CACNA2D1: variants seen among roughly 807,000 people sequenced by gnomAD.
The protein encoded by CACNA2D1 is calcium voltage-gated channel auxiliary subunit alpha2delta 1, also known as voltage-dependent calcium channel subunit alpha-2/delta-1.
A neutral mutation model predicts 171.5 loss-of-function variants in CACNA2D1; 53 were observed. The ratio of observed to expected loss-of-function variants is 0.31; its 90% CI spans 0.25 to 0.39. The LOEUF (loss-of-function observed/expected upper bound fraction) is 0.39, where lower values mean the gene tolerates loss of function less well. Among genes scored for constraint, CACNA2D1 ranks in the 10% least tolerant of loss-of-function variants. The pLI, the probability that CACNA2D1 is intolerant of heterozygous loss-of-function variation, is 1.00. For synonymous variants in CACNA2D1, 442 were observed against 443.1 expected (o/e 1.00, Z 0.03); for missense variants, 903 against 1,299.8 (o/e 0.69, Z 4.69).
At chr7:82,295,048 A>G (rs1000972443) in intron 3 of CACNA2D1, among the ~76,000 whole-genome samples, 1 of 152,196 alleles carries the variant, frequency 6.6e-6, no homozygotes. Context: ...TTAATTACAC[A>G]AAAATCTTTC....
chr7:82,314,154 G>A (rs1213241333), intron 3 of CACNA2D1, among the ~76,000 whole-genome samples: 4 of 152,080 alleles, frequency 2.6e-5, no homozygotes, highest in Non-Finnish European at 5.9e-5. Flanking sequence ...AAGGATCAAA[G>A]GTTGCTAGGG....
At chr7:82,374,964 T>C (rs11768220) in intron 1 of CACNA2D1, among the ~76,000 whole-genome samples, 7,122 of 152,244 alleles carry the variant, frequency 0.047, 206 homozygotes, top group Middle Eastern at 0.082. Flanking sequence ...AGTACGTAGC[T>C]GGATTTAGAA....
intron 4 of CACNA2D1, among the ~76,000 whole-genome samples, chr7:82,149,499 G>A (rs1333475237): frequency 1.3e-5 from 2 of 151,876 alleles, no homozygotes; most frequent in African/African-American, 2.4e-5. Flanking sequence ...CACTCAAAAC[G>A]GTCACATCCA....
At chr7:82,150,439 AT>A (rs1257112541) in intron 4 of CACNA2D1, among the ~76,000 whole-genome samples, 33 of 131,316 alleles carry the variant, frequency 2.5e-4, no homozygotes, top group Non-Finnish European at 4.8e-4. Flanking sequence ...AAAAAAAAAA[AT>A]TGAAATCTCT....
At chr7:82,060,322 C>A in intron 10 of CACNA2D1, 106 bp downstream of exon 10, 1 of 715,536 alleles carries the variant, frequency 1.4e-6, no homozygotes, top group Non-Finnish European at 2.4e-6. Flanking sequence ...TGCAATATAT[C>A]AAAAATGTCT....
At chr7:82,052,965 G>A (rs1052050488) in intron 10 of CACNA2D1, among the ~76,000 whole-genome samples, 5 of 152,120 alleles carry the variant, frequency 3.3e-5, no homozygotes, top group African/African-American at 1.2e-4. Flanking sequence ...TCTGCCACTT[G>A]AACATTGCTT....
intron 3 of CACNA2D1, among the ~76,000 whole-genome samples, chr7:82,238,273 T>G (rs916821601): frequency 1.3e-5 from 2 of 152,030 alleles, no homozygotes; most frequent in Non-Finnish European, 2.9e-5. Context: ...TTGAATGTGT[T>G]CTTATTTTTG....
At chr7:82,311,049 A>G (rs1004236855) in intron 3 of CACNA2D1, among the ~76,000 whole-genome samples, 3 of 152,110 alleles carry the variant, frequency 2.0e-5, no homozygotes, top group Non-Finnish European at 2.9e-5. Context: ...TCTTTGAGTT[A>G]TATGTGTATA....
chr7:81,955,463 A>T (rs1793124463), intron 38 of CACNA2D1, among the ~76,000 whole-genome samples: 1 of 152,204 alleles, frequency 6.6e-6, no homozygotes. Context: ...TTATATCAAC[A>T]TTCAAATAGC....
chr7:82,136,815 T>C, intron 4 of CACNA2D1, 139 bp from the exon 5 acceptor site: 2 of 638,400 alleles, frequency 3.1e-6, no homozygotes, highest in Non-Finnish European at 5.3e-6. Context: ...TCCATAAGGA[T>C]TAGCCACTAT....
chr7:82,301,338 C>T lies in CACNA2D1; in HGVS notation c.294+33797G>A, dbSNP rs1476555212. Reference sequence around the variant, plus strand: ...ACGGGGTTTCTCCATGTTGGTCAGGCTGGTCTTGAACTCCAACCTCAGGTG... The same window carrying T: ...ACGGGGTTTCTCCATGTTGGTCAGGTTGGTCTTGAACTCCAACCTCAGGTG... On this transcript the variant is annotated intron_variant, in intron 3 of 38. Transcript: ENST00000356860. 2.0e-5 allele frequency among the ~76,000 whole-genome samples: 3 copies of T among 152,204 alleles called. No homozygotes were observed. In the East Asian group the frequency reaches 5.8e-4, roughly 30 times the overall value.
chr7:82,149,404 C>T (rs967232275), intron 4 of CACNA2D1, among the ~76,000 whole-genome samples: 2 of 152,062 alleles, frequency 1.3e-5, no homozygotes, highest in Admixed American at 6.6e-5. Flanking sequence ...AGAAGTGAGA[C>T]ACCAAGGCAC....
chr7:82,050,419 A>G (rs941693343), intron 10 of CACNA2D1: 5 of 591,308 alleles, frequency 8.5e-6, no homozygotes, highest in Non-Finnish European at 6.0e-6. Flanking sequence ...CCAAACCTCA[A>G]TTCCCACAGG....
chr7:82,432,213 A>G (rs992786073), intron 1 of CACNA2D1, among the ~76,000 whole-genome samples: 3 of 152,158 alleles, frequency 2.0e-5, no homozygotes, highest in African/African-American at 7.2e-5. Context: ...GTGAATATCT[A>G]TGGGAGAGAA....
At chr7:82,108,386 C>A (rs1196104749) in intron 6 of CACNA2D1, among the ~76,000 whole-genome samples, 1 of 152,104 alleles carries the variant, frequency 6.6e-6, no homozygotes, top group African/African-American at 2.4e-5. Context: ...TCCTCTTCAT[C>A]GTAGAAGGCC....
chr7:82,169,011 T>G (rs1795748409), intron 4 of CACNA2D1, among the ~76,000 whole-genome samples: 1 of 152,116 alleles, frequency 6.6e-6, no homozygotes, highest in Non-Finnish European at 1.5e-5. Flanking sequence ...ACATCTATTA[T>G]GACTTTACAC....
At chr7:82,142,462 T>C (rs1375283644) in intron 4 of CACNA2D1, among the ~76,000 whole-genome samples, 1 of 152,226 alleles carries the variant, frequency 6.6e-6, no homozygotes, top group African/African-American at 2.4e-5. Context: ...GGGCCTCTGA[T>C]GAATAGATTA....
intron 3 of CACNA2D1, among the ~76,000 whole-genome samples, chr7:82,183,654 AAG>A (rs1383628253): frequency 6.6e-6 from 1 of 152,182 alleles, no homozygotes; most frequent in African/African-American, 2.4e-5. Context: ...TTGCAAAAAG[AAG>A]AGATTTTTGC....
At position 82,014,466 on chromosome 7, in the gene CACNA2D1, G is replaced by A. The variant is rs1562870736; in HGVS notation, c.1157C>T (p.Thr386Met). Residue 386 changes from threonine (T) to methionine (M), a missense_variant, in exon 13 of 39, where the codon ACG (threonine) becomes ATG (methionine). Transcript: ENST00000356860. ...YNKDKKVRVF[T>M]FSVGQHNYDR... ...ATAATTGTGTTGACCAACTGAAAACGTGAATACACGTACCTGGATGAATTG... is the reference window on the plus strand; with the variant it reads ...ATAATTGTGTTGACCAACTGAAAACATGAATACACGTACCTGGATGAATTG... 1 of 1,569,412 alleles carries A rather than the reference G, an allele frequency of 6.4e-7. No homozygotes were observed. Among genetic ancestry groups the A allele is most frequent in the South Asian group, 1.1e-5 (1 of 90,232 alleles).
Sources: gnomAD v4.1 joint callset for allele counts (sites outside exome capture counted in the v4.1 genomes callset) on GRCh38, gnomAD v4.1.1 for gene constraint, MANE v1.5 for transcripts, NCBI Gene and HGNC (gene_info 2026-07-23, HGNC 2026-07-21) for gene names.